Variants in ATP13A3 observed in about 807,000 individuals in gnomAD.
ATP13A3 encodes ATPase 13A3, also known as polyamine-transporting ATPase 13A3.
In ATP13A3, 59 loss-of-function variants were observed where a neutral mutation model predicts 158.1. That is an observed-to-expected ratio of 0.37 (90% confidence interval 0.30 to 0.46). The LOEUF (loss-of-function observed/expected upper bound fraction) is 0.46, where lower values mean the gene tolerates loss of function less well. Among genes scored for constraint, ATP13A3 ranks in the 20% least tolerant of loss-of-function variants. The pLI, the probability that ATP13A3 is intolerant of heterozygous loss-of-function variation, is 1.00. For synonymous variants in ATP13A3, 491 were observed against 504.3 expected (o/e 0.97, Z 0.35); for missense variants, 1,166 against 1,525.2 (o/e 0.76, Z 3.92).
At chr3:194,462,517 G>A (rs1409646186) in intron 2 of ATP13A3, among the ~76,000 whole-genome samples, 1 of 152,146 alleles carries the variant, frequency 6.6e-6, no homozygotes, top group African/African-American at 2.4e-5. Flanking sequence ...TGCTCCTTAT[G>A]AGAATCTAAT....
chr3:194,492,593 T>C (rs58498099), intron 2 of ATP13A3, among the ~76,000 whole-genome samples: 4,908 of 152,202 alleles, frequency 0.032, 279 homozygotes, highest in African/African-American at 0.11. Context: ...TAGCTGGGAT[T>C]ACAGGCATCC....
intron 11 of ATP13A3, among the ~76,000 whole-genome samples, chr3:194,449,051 ACACACACAC>A (rs1718608504): frequency 1.4e-5 from 1 of 70,258 alleles, no homozygotes; most frequent in African/African-American, 9.7e-5. Flanking sequence ...CCCTACACAC[ACACACACAC>A]ACACACACAC....
In ATP13A3 at chr3:194,428,791, G is replaced by C. The variant is rs189212421; in HGVS notation, c.2947+54C>G. 291 of 1,308,306 alleles carry C rather than the reference G, an allele frequency of 2.2e-4. 1 individual carries two copies. Among genetic ancestry groups the C allele is most frequent in the Middle Eastern group, 5.5e-4 (3 of 5,420 alleles). 81.0% of individuals were successfully genotyped at this position (1,308,306 alleles called of 1,614,324 possible). ...ATGTAAATTTACAAAAATTTAATAA[G>C]TCACATCAGAATTTCATACACTTTA... is the stretch of plus-strand genomic sequence containing the variant. On this transcript the variant is annotated intron_variant, in intron 28 of 33. Coordinates refer to ENST00000645319, the MANE Select transcript of ATP13A3 (RefSeq NM_001367549.1).
chr3:194,410,202 G>A (rs539934660), intron 33 of ATP13A3, among the ~76,000 whole-genome samples: 33 of 138,696 alleles, frequency 2.4e-4, no homozygotes, highest in African/African-American at 8.3e-4. Flanking sequence ...GCTCACGCCT[G>A]TAATCCCAGC....
chr3:194,406,553 A>G (rs187328947), intron 33 of ATP13A3, among the ~76,000 whole-genome samples: 1 of 152,354 alleles, frequency 6.6e-6, no homozygotes, highest in Admixed American at 6.5e-5. Flanking sequence ...TAACTTGCAG[A>G]TATGGATTCT....
At chr3:194,485,299 T>C (rs932339692) in intron 2 of ATP13A3, among the ~76,000 whole-genome samples, 7 of 152,108 alleles carry the variant, frequency 4.6e-5, no homozygotes, top group African/African-American at 1.4e-4. Flanking sequence ...CTTAAAGGGG[T>C]TGCAAACCAG....
At chr3:194,468,496 T>C (rs1045931925) in intron 2 of ATP13A3, among the ~76,000 whole-genome samples, 3 of 152,168 alleles carry the variant, frequency 2.0e-5, no homozygotes, top group Non-Finnish European at 4.4e-5. Flanking sequence ...TTTCACATTA[T>C]GTAATTACTA....
rs200066307 is a variant in ATP13A3, at chr3:194,437,135, C to T, written c.2080G>A (p.Glu694Lys). ...RVIALAHRKL[E>K]SKLTWHKVQN... ...ACTTTATGCCATGTCAGTTTTGACT[C>T]CAATTTTCTGTGTGCAAGAGCAATC... is the stretch of plus-strand genomic sequence containing the variant. Residue 694 changes from glutamate (E) to lysine (K), a missense_variant, in exon 20 of 34, where the codon GAG (glutamate) becomes AAG (lysine). Transcript: ENST00000645319. 214 of 1,613,974 alleles carry T rather than the reference C, an allele frequency of 1.3e-4. No individual in the cohort carries two copies. Among genetic ancestry groups the T allele is most frequent in the Non-Finnish European group, 1.7e-4 (201 of 1,179,994 alleles).
At chr3:194,465,829 A>ACAC (rs1560109591) in intron 2 of ATP13A3, among the ~76,000 whole-genome samples, 45 of 139,942 alleles carry the variant, frequency 3.2e-4, no homozygotes, top group African/African-American at 1.3e-3. Context: ...CACACACACA[A>ACAC]AAATTAGCCA....
intron 26 of ATP13A3, 109 bp from the exon 27 acceptor site, chr3:194,429,883 A>G: frequency 9.1e-7 from 1 of 1,096,654 alleles, no homozygotes; most frequent in Non-Finnish European, 1.3e-6. Flanking sequence ...CGGCTACAAC[A>G]AAGTGCTTAT....
At chr3:194,459,653 T>C (rs928169390) in intron 5 of ATP13A3, 112 bp from the exon 6 acceptor site, 3 of 1,086,440 alleles carry the variant, frequency 2.8e-6, no homozygotes, top group Non-Finnish European at 3.9e-6. Flanking sequence ...TTATATATAG[T>C]AATATGTAAT....
At chr3:194,454,038 A>G (rs1223832691) in intron 9 of ATP13A3, among the ~76,000 whole-genome samples, 1 of 152,186 alleles carries the variant, frequency 6.6e-6, no homozygotes, top group Admixed American at 6.5e-5. Flanking sequence ...GTCTCTAGAC[A>G]GTCAAGTGGT....
chr3:194,466,581 C>T (rs2109000686), intron 2 of ATP13A3, among the ~76,000 whole-genome samples: 1 of 152,230 alleles, frequency 6.6e-6, no homozygotes, highest in South Asian at 2.1e-4. Flanking sequence ...TTGATAACTG[C>T]TAAAGCAAAG....
At chr3:194,477,841 G>A (rs1720592006) in intron 2 of ATP13A3, among the ~76,000 whole-genome samples, 1 of 152,198 alleles carries the variant, frequency 6.6e-6, no homozygotes, top group Admixed American at 6.5e-5. Context: ...TACAGGTAGA[G>A]ACAGAGCTGG....
At chr3:194,490,065 G>A (rs932191552), upstream of ATP13A3, among the ~76,000 whole-genome samples, 2 of 152,134 alleles carry the variant, frequency 1.3e-5, no homozygotes, top group African/African-American at 2.4e-5. This position sits in a 1 kb window ranked among gnomAD's most constrained non-coding sequence, Gnocchi z 4.4. Context: ...AAGGTCTGAC[G>A]TCACTTCTCA....
chr3:194,457,865 A>C (rs1216821101), intron 6 of ATP13A3, among the ~76,000 whole-genome samples: 1 of 147,552 alleles, frequency 6.8e-6, no homozygotes, highest in Non-Finnish European at 1.5e-5. Flanking sequence ...GGCTCACTGC[A>C]ACCTCCGCCT....
At chr3:194,479,728 A>G (rs1720674996) in intron 2 of ATP13A3, among the ~76,000 whole-genome samples, 1 of 152,174 alleles carries the variant, frequency 6.6e-6, no homozygotes, top group Non-Finnish European at 1.5e-5. Context: ...TTGACTAATC[A>G]GAATTTTTAA....
At chr3:194,479,885 G>A (rs1400682035) in intron 2 of ATP13A3, among the ~76,000 whole-genome samples, 1 of 152,040 alleles carries the variant, frequency 6.6e-6, no homozygotes, top group East Asian at 1.9e-4. Flanking sequence ...GACACAAAGA[G>A]AAAAACTAAA....
At chr3:194,477,320 G>A (rs919554476) in intron 2 of ATP13A3, among the ~76,000 whole-genome samples, 8 of 152,186 alleles carry the variant, frequency 5.3e-5, no homozygotes, top group African/African-American at 1.9e-4. Context: ...TAAAGGCTGG[G>A]AACCAGGCAA....
Sources: gnomAD v4.1 joint callset for allele counts (sites outside exome capture counted in the v4.1 genomes callset) on GRCh38, gnomAD v4.1.1 for gene constraint, Gnocchi (gnomAD v3.1) non-coding constraint, MANE v1.5 for transcripts, NCBI Gene and HGNC (gene_info 2026-07-23, HGNC 2026-07-21) for gene names.